The following SEMA3D variants were observed in gnomAD, a reference collection of about 807,000 sequenced individuals.
SEMA3D encodes the protein semaphorin-3D.
Under a neutral mutation model 100.1 loss-of-function variants are expected in SEMA3D, and 84 were observed. That is an observed-to-expected ratio of 0.84 (90% CI 0.70 to 1.01). SEMA3D has a LOEUF of 1.01. Ranked by LOEUF, SEMA3D falls within the 50% of genes least tolerant of loss-of-function variation. The pLI, the probability that SEMA3D is intolerant of heterozygous loss-of-function variation, is 0.00. For missense variants in SEMA3D, 875 were observed against 934.1 expected (o/e 0.94, Z 0.82); for synonymous variants, 312 against 320.7 (o/e 0.97, Z 0.29).
At chr7:85,024,429 A>G (rs1790337663) in intron 12 of SEMA3D, among the ~76,000 whole-genome samples, 1 of 152,002 alleles carries the variant, frequency 6.6e-6, no homozygotes, top group Admixed American at 6.6e-5. Context: ...TTCAAGCCGT[A>G]GTTTTTGATA....
chr7:85,144,323 TC>T (rs1790138303), intron 2 of SEMA3D: 2 of 293,898 alleles, frequency 6.8e-6, no homozygotes, highest in Non-Finnish European at 1.0e-5. Flanking sequence ...GTAAAAGTTT[TC>T]TGATAACTGA....
chr7:85,070,071 T>C (rs6966472), intron 6 of SEMA3D, among the ~76,000 whole-genome samples: 27,943 of 152,170 alleles, frequency 0.18, 3,129 homozygotes, highest in African/African-American at 0.32. Context: ...ATTATTTTAC[T>C]GAATAAGCAG....
intron 2 of SEMA3D, among the ~76,000 whole-genome samples, chr7:85,134,445 T>C (rs1285091764): frequency 6.6e-6 from 1 of 152,020 alleles, no homozygotes; most frequent in Non-Finnish European, 1.5e-5. Flanking sequence ...CTGTACTTTT[T>C]TAGAGTATTC....
intron 2 of SEMA3D, among the ~76,000 whole-genome samples, chr7:85,151,092 CCA>C (rs67407646): frequency 0.62 from 91,158 of 146,986 alleles, 28,224 homozygotes; most frequent in East Asian, 0.89. Flanking sequence ...TAAAAAAAAT[CCA>C]CACACACACA....
At chr7:85,236,768 C>A in the SEMA3D span, among the ~76,000 whole-genome samples, 21 of 152,108 alleles carry the variant, frequency 1.4e-4, no homozygotes, top group Non-Finnish European at 2.2e-4. Context: ...AATAGTGAAC[C>A]TTTAACTATC....
intron 5 of SEMA3D, among the ~76,000 whole-genome samples, chr7:85,074,772 A>T (rs948040413): frequency 2.6e-5 from 4 of 151,868 alleles, no homozygotes; most frequent in Non-Finnish European, 5.9e-5. Context: ...GCAAGTCATC[A>T]ACTCCCGGGT....
At chr7:85,205,605 TA>T in the SEMA3D span, among the ~76,000 whole-genome samples, 1 of 151,994 alleles carries the variant, frequency 6.6e-6, no homozygotes, top group East Asian at 1.9e-4. Context: ...TCTCTTGGAT[TA>T]AAAAAAATCA....
At chr7:85,016,449 T>C (rs2115815360) in intron 15 of SEMA3D, among the ~76,000 whole-genome samples, 1 of 151,864 alleles carries the variant, frequency 6.6e-6, no homozygotes, top group Middle Eastern at 3.4e-3. Flanking sequence ...GACAGAAATC[T>C]GGGAGTTGTC....
intron 9 of SEMA3D, among the ~76,000 whole-genome samples, chr7:85,049,700 G>GTCA (rs1431242369): frequency 6.6e-6 from 1 of 151,780 alleles, no homozygotes; most frequent in African/African-American, 2.4e-5. Context: ...TACGGAAAGT[G>GTCA]TCATCGGCCT....
chr7:85,241,467 G>GTGTA, the SEMA3D span, among the ~76,000 whole-genome samples: 383 of 91,720 alleles, frequency 4.2e-3, 30 homozygotes, highest in East Asian at 0.018. Context: ...CTGTGTGTGT[G>GTGTA]TATATATATA....
chr7:85,225,119 CAT>C, the SEMA3D span, among the ~76,000 whole-genome samples: 5 of 69,966 alleles, frequency 7.1e-5, no homozygotes, highest in Non-Finnish European at 1.1e-4. Context: ...TACATATATA[CAT>C]ATATATAATA....
intron 11 of SEMA3D, among the ~76,000 whole-genome samples, chr7:85,037,929 C>T (rs904239789): frequency 1.3e-5 from 2 of 151,724 alleles, no homozygotes; most frequent in African/African-American, 4.8e-5. Flanking sequence ...CTTAGCATTT[C>T]CCACCTATGA....
intron 1 of SEMA3D, chr7:85,159,841 G>T: frequency 1.0e-6 from 1 of 984,906 alleles, no homozygotes; most frequent in Non-Finnish European, 1.2e-6. Flanking sequence ...CTGTCCTGCA[G>T]ATAGTAGGAT....
intron 4 of SEMA3D, among the ~76,000 whole-genome samples, chr7:85,096,970 C>G (rs1583918616): frequency 6.6e-6 from 1 of 151,526 alleles, no homozygotes; most frequent in Non-Finnish European, 1.5e-5. Context: ...TTCAATACTT[C>G]TGACAAAGAT....
the SEMA3D span, among the ~76,000 whole-genome samples, chr7:85,246,611 T>C: frequency 1.3e-5 from 2 of 152,036 alleles, no homozygotes; most frequent in Admixed American, 6.6e-5. Flanking sequence ...CTAGTTTGTG[T>C]AAATTAGATG....
chr7:85,186,470 C>A (rs1038088184), intron 1 of SEMA3D, among the ~76,000 whole-genome samples: 1 of 152,096 alleles, frequency 6.6e-6, no homozygotes, highest in Non-Finnish European at 1.5e-5. Flanking sequence ...CTGAAGCTGG[C>A]GCCGCGATTA....
At chr7:85,239,784 T>C in the SEMA3D span, among the ~76,000 whole-genome samples, 4 of 152,188 alleles carry the variant, frequency 2.6e-5, no homozygotes, top group Non-Finnish European at 5.9e-5. Flanking sequence ...ACTCACATTG[T>C]GCACTCTGGT....
At chr7:85,124,135 A>C (rs1789503349) in intron 2 of SEMA3D, among the ~76,000 whole-genome samples, 1 of 152,054 alleles carries the variant, frequency 6.6e-6, no homozygotes, top group East Asian at 1.9e-4. Flanking sequence ...CAGTCACTTT[A>C]ACTGATCTAC....
chr7:85,151,118 C>T (rs998485333), intron 2 of SEMA3D, among the ~76,000 whole-genome samples: 4 of 149,826 alleles, frequency 2.7e-5, no homozygotes, highest in Admixed American at 6.7e-5. Flanking sequence ...ACACACACAC[C>T]GCACATATAT....
Sources: gnomAD v4.1 joint callset for allele counts (sites outside exome capture counted in the v4.1 genomes callset) on GRCh38, gnomAD v4.1.1 for gene constraint, MANE v1.5 for transcripts, NCBI Gene and HGNC (gene_info 2026-07-23, HGNC 2026-07-21) for gene names.